Variants in AKT3 observed in about 807,000 individuals in gnomAD.
AKT3 encodes AKT serine/threonine kinase 3, also known as RAC-gamma serine/threonine-protein kinase.
In AKT3, 15 loss-of-function variants were observed where a neutral mutation model predicts 65.3. The ratio of observed to expected loss-of-function variants is 0.23; its 90% CI spans 0.15 to 0.35. AKT3 has a LOEUF of 0.35. Among genes scored for constraint, AKT3 ranks in the 10% least tolerant of loss-of-function variants. The probability of loss-of-function intolerance (pLI) is 1.00; values close to 1 mark genes in which losing one functional copy is unlikely to be tolerated. For missense variants in AKT3, 243 were observed against 576.5 expected (o/e 0.42, Z 5.92); for synonymous variants, 206 against 183.8 (o/e 1.12, Z -0.98).
chr1:243,544,705 G>GTT lies in AKT3; in HGVS notation c.1251+803_1251+804dup, dbSNP rs138565455. On this transcript the variant is annotated intron_variant, in intron 12 of 13. Coordinates refer to ENST00000673466, the MANE Select transcript of AKT3 (RefSeq NM_005465.7). ...AATTAGTAGTGGTTTTTTGTTTTTT[G>GTT]TTTTTTTTTTTTTTAAGAGATTGGG... Among the ~76,000 whole-genome samples the GTT allele has an allele frequency of 3.0e-3, 425 of 142,218 alleles. 4 individuals carry two copies. The highest frequency in any genetic ancestry group is 0.014 in the Middle Eastern group (4 of 280). The allele number at this position is 142,218 out of a possible 152,430, so 93.3% of individuals were successfully genotyped here.
At chr1:243,635,573 C>A (rs1679914501) in intron 6 of AKT3, among the ~76,000 whole-genome samples, 1 of 151,768 alleles carries the variant, frequency 6.6e-6, no homozygotes, top group Admixed American at 6.6e-5. Flanking sequence ...TAGAACACAA[C>A]AGTAATAATT....
In AKT3 at chr1:243,563,815, T is replaced by C. The variant is rs774991430; in HGVS notation, c.853A>G (p.Ile285Val). ...ENLMLDKDGH[I>V]KITDFGLCKE... Reference sequence around the variant, plus strand: ...CAAAGTCCAAAATCTGTAATTTTTATGTGGCCATCTTTGTCCAGCATTAGA... The same window carrying C: ...CAAAGTCCAAAATCTGTAATTTTTACGTGGCCATCTTTGTCCAGCATTAGA... Residue 285 changes from isoleucine (I) to valine (V), a missense_variant, in exon 10 of 14, where the codon ATA becomes GTA. Around this residue, in one of 6 missense-constraint regions of AKT3, gnomAD observed 61 missense variants for 163.3 expected, o/e 0.37. Transcript: ENST00000673466. 3 of 1,612,996 alleles carry C rather than the reference T, an allele frequency of 1.9e-6. No homozygotes were observed. Among genetic ancestry groups the C allele is most frequent in the Non-Finnish European group, 2.5e-6 (3 of 1,179,580 alleles).
At chr1:243,822,171 A>G (rs1483038973) in intron 2 of AKT3, among the ~76,000 whole-genome samples, 3 of 152,242 alleles carry the variant, frequency 2.0e-5, no homozygotes, top group Admixed American at 6.5e-5. Flanking sequence ...TTGCTCCTGA[A>G]TGACTCCTGG....
chr1:243,499,572 T>C, downstream of AKT3: 1 of 643,398 alleles, frequency 1.6e-6, no homozygotes, highest in South Asian at 1.8e-5. Flanking sequence ...ATTTCATATG[T>C]GAAGGGCTTT....
At chr1:243,659,952 G>T (rs1447731454) in intron 4 of AKT3, among the ~76,000 whole-genome samples, 1 of 152,002 alleles carries the variant, frequency 6.6e-6, no homozygotes, top group African/African-American at 2.4e-5. Flanking sequence ...TTTTTTGGTT[G>T]TGTCTCTGCC....
At chr1:243,809,297 C>T (rs575803400) in intron 2 of AKT3, among the ~76,000 whole-genome samples, 5 of 152,172 alleles carry the variant, frequency 3.3e-5, no homozygotes, top group South Asian at 2.1e-4. Flanking sequence ...ATCTCATGTG[C>T]GGAGACACAC....
At chr1:243,765,071 C>T (rs1689730166) in intron 2 of AKT3, among the ~76,000 whole-genome samples, 1 of 152,040 alleles carries the variant, frequency 6.6e-6, no homozygotes, top group Non-Finnish European at 1.5e-5. Flanking sequence ...CTTATTGATA[C>T]ATCATTTCAC....
chr1:243,569,618 C>T (rs1357939019), intron 9 of AKT3, among the ~76,000 whole-genome samples: 2 of 152,128 alleles, frequency 1.3e-5, no homozygotes, highest in Admixed American at 6.6e-5. Flanking sequence ...TTAGAAAGTA[C>T]CTAAATTTAT....
chr1:243,521,727 T>C (rs568988800), intron 12 of AKT3, among the ~76,000 whole-genome samples: 2 of 152,320 alleles, frequency 1.3e-5, no homozygotes, highest in South Asian at 2.1e-4. Flanking sequence ...CCTGCCAAAA[T>C]GAGTACTTTA....
chr1:243,819,896 G>T (rs1693752316), intron 2 of AKT3, among the ~76,000 whole-genome samples: 1 of 152,176 alleles, frequency 6.6e-6, no homozygotes, highest in Non-Finnish European at 1.5e-5. Context: ...GCAAACTGCA[G>T]CAGCCCTACG....
chr1:243,600,645 CA>C (rs1367096030), intron 8 of AKT3, among the ~76,000 whole-genome samples: 4 of 152,006 alleles, frequency 2.6e-5, no homozygotes, highest in Non-Finnish European at 5.9e-5. Context: ...TAGCAGTATA[CA>C]TTAAAATTAA....
At chr1:243,642,414 A>G (rs1240519410) in intron 5 of AKT3, among the ~76,000 whole-genome samples, 1 of 152,182 alleles carries the variant, frequency 6.6e-6, no homozygotes, top group Non-Finnish European at 1.5e-5. Context: ...AGATCACGAC[A>G]TTCTCCTGCC....
chr1:243,541,304 T>C (rs901965356), intron 12 of AKT3, among the ~76,000 whole-genome samples: 3 of 152,234 alleles, frequency 2.0e-5, no homozygotes, highest in South Asian at 2.1e-4. Context: ...TTATGCAATA[T>C]AGACTCATGA....
intron 4 of AKT3, among the ~76,000 whole-genome samples, chr1:243,648,741 C>T (rs1005602800): frequency 6.6e-6 from 1 of 152,130 alleles, no homozygotes; most frequent in Non-Finnish European, 1.5e-5. Context: ...TACTAATTCA[C>T]TTCCATTCAT....
chr1:243,844,543 A>G (rs1378012480), intron 1 of AKT3, among the ~76,000 whole-genome samples: 1 of 152,124 alleles, frequency 6.6e-6, no homozygotes, highest in Non-Finnish European at 1.5e-5. Flanking sequence ...GAGTGGCACA[A>G]TCATAGCTCA....
chr1:243,836,424 T>C (rs1410538804), intron 2 of AKT3, among the ~76,000 whole-genome samples: 1 of 148,848 alleles, frequency 6.7e-6, no homozygotes, highest in African/African-American at 2.5e-5. Flanking sequence ...ACAGATAAAT[T>C]CACAATCATA....
chr1:243,696,693 C>G (rs1169008304), intron 2 of AKT3, among the ~76,000 whole-genome samples: 1 of 151,968 alleles, frequency 6.6e-6, no homozygotes, highest in Non-Finnish European at 1.5e-5. Flanking sequence ...CTGAAGGTTC[C>G]CCTCCTTATC....
intron 2 of AKT3, among the ~76,000 whole-genome samples, chr1:243,826,117 G>A (rs1427148123): frequency 6.6e-6 from 1 of 151,666 alleles, no homozygotes; most frequent in Non-Finnish European, 1.5e-5. Flanking sequence ...GGGCGACAGA[G>A]TGAGACTTCA....
chr1:243,654,007 C>T (rs1681572540), intron 4 of AKT3, among the ~76,000 whole-genome samples: 1 of 151,828 alleles, frequency 6.6e-6, no homozygotes, highest in South Asian at 2.1e-4. Flanking sequence ...GTTGGCTTTT[C>T]AGTCGTCTTT....
Sources: gnomAD v4.1 joint callset for allele counts (sites outside exome capture counted in the v4.1 genomes callset) on GRCh38, gnomAD v4.1.1 for gene constraint, gnomAD v4.1.1 regional missense constraint, MANE v1.5 for transcripts, NCBI Gene and HGNC (gene_info 2026-07-23, HGNC 2026-07-21) for gene names.